The following TAOK1 variants were observed in gnomAD, a reference collection of about 807,000 sequenced individuals.
TAOK1 encodes serine/threonine-protein kinase TAO1.
TAOK1 carries 21 observed loss-of-function variants against 138.3 expected under a neutral mutation model. The observed-to-expected ratio is 0.15, with a 90% CI of 0.11 to 0.22. TAOK1 has a LOEUF of 0.22. TAOK1 is among the 10% of genes least tolerant of loss of function. The pLI is 1.00. For missense variants in TAOK1, 651 were observed against 1,227.7 expected (o/e 0.53, Z 7.02); for synonymous variants, 361 against 398.4 (o/e 0.91, Z 1.12).
chr17:29,412,131 C>G (rs1905161006), intron 1 of TAOK1, among the ~76,000 whole-genome samples: 1 of 152,128 alleles, frequency 6.6e-6, no homozygotes, highest in South Asian at 2.1e-4. Context: ...CAACCTCCAT[C>G]TCCCAGGTTC....
chr17:29,402,507 A>T (rs1282776042), intron 1 of TAOK1, among the ~76,000 whole-genome samples: 1 of 151,938 alleles, frequency 6.6e-6, no homozygotes, highest in South Asian at 2.1e-4. Flanking sequence ...GTTTTGTCAC[A>T]TTGCCCAAGC....
intron 3 of TAOK1, among the ~76,000 whole-genome samples, chr17:29,474,664 A>G (rs897058749): frequency 3.9e-5 from 6 of 152,184 alleles, no homozygotes; most frequent in African/African-American, 1.4e-4. Flanking sequence ...AAACAATTAC[A>G]ATAGTAATGT....
intron 1 of TAOK1, among the ~76,000 whole-genome samples, chr17:29,421,902 T>G (rs956142155): frequency 1.3e-5 from 2 of 151,790 alleles, no homozygotes; most frequent in Non-Finnish European, 2.9e-5. Context: ...TGTGCTATCC[T>G]CTATTTATCC....
At chr17:29,537,581 T>A (rs2032244299) in intron 19 of TAOK1, among the ~76,000 whole-genome samples, 1 of 149,724 alleles carries the variant, frequency 6.7e-6, no homozygotes. Context: ...GGTCTCAAAC[T>A]CCTAGGCTCA....
At chr17:29,438,624 G>A (rs1906111761) in intron 1 of TAOK1, among the ~76,000 whole-genome samples, 1 of 152,198 alleles carries the variant, frequency 6.6e-6, no homozygotes, top group Non-Finnish European at 1.5e-5. Context: ...AGGAGGTCGA[G>A]GCTGCAGTGA....
chr17:29,437,492 C>T (rs1221647352), intron 1 of TAOK1, among the ~76,000 whole-genome samples: 3 of 152,072 alleles, frequency 2.0e-5, no homozygotes, highest in South Asian at 2.1e-4. Context: ...GCCACCACGC[C>T]GGCCTATGTA....
At chr17:29,427,349 C>A (rs1005235379) in intron 1 of TAOK1, among the ~76,000 whole-genome samples, 3 of 151,840 alleles carry the variant, frequency 2.0e-5, no homozygotes, top group Admixed American at 2.0e-4. Context: ...AATCCTAGCA[C>A]TTTGGGAGGC....
In TAOK1 at chr17:29,498,529, T is replaced by G. The variant is rs988612021; in HGVS notation, c.1203+8T>G. On this transcript the variant is annotated splice_region_variant and intron_variant, in intron 12 of 19. Transcript: ENST00000261716. ...GTTATCCATTTAAAACCAGTGAGTA[T>G]TTGGATTTCAATGAAAGAAATTCAA... The G allele has an allele frequency of 6.2e-7, 1 of 1,613,356 alleles. No individual in the cohort carries two copies. Among genetic ancestry groups the G allele is most frequent in the South Asian group, 1.1e-5 (1 of 91,054 alleles).
At chr17:29,528,130 G>A (rs2032042849) in intron 17 of TAOK1, among the ~76,000 whole-genome samples, 1 of 152,056 alleles carries the variant, frequency 6.6e-6, no homozygotes, top group South Asian at 2.1e-4. Flanking sequence ...GCTCACTGCA[G>A]CCTCCACCTC....
intron 1 of TAOK1, among the ~76,000 whole-genome samples, chr17:29,395,714 A>G (rs1904575553): frequency 6.7e-6 from 1 of 150,068 alleles, no homozygotes; most frequent in Non-Finnish European, 1.5e-5. Flanking sequence ...TTGGAATGCA[A>G]TAGCGTGATC....
chr17:29,499,781 G>A (rs895193090), intron 12 of TAOK1, among the ~76,000 whole-genome samples: 2 of 149,724 alleles, frequency 1.3e-5, no homozygotes, highest in Admixed American at 6.7e-5. Flanking sequence ...GGCTGGTCTC[G>A]AACTCCCAAC....
chr17:29,522,378 A>G lies in TAOK1; in HGVS notation c.2007A>G (p.Thr669=), dbSNP rs1750270758. ...MQELEFRHLN[T]IQKMRCELIR... is the part of the protein sequence containing the mutation. ...AACTGGAGTTCCGCCACCTCAACAC[A>G]ATTCAGAAGATGCGCTGTGAGTTGA... Residue 669 remains threonine, a synonymous_variant, in exon 17 of 20, where the codon ACA becomes ACG. Transcript: ENST00000261716. The G allele has an allele frequency of 2.5e-6, 4 of 1,614,178 alleles. No individual in the cohort carries two copies. The highest frequency in any genetic ancestry group is 3.4e-6 in the Non-Finnish European group (4 of 1,180,026).
At chr17:29,480,283 C>A in intron 6 of TAOK1, 85 bp from the exon 7 acceptor site, 1 of 920,898 alleles carries the variant, frequency 1.1e-6, no homozygotes, top group South Asian at 1.9e-5. Flanking sequence ...TTTCTCTATC[C>A]TATGAATTCT....
chr17:29,450,569 T>C (rs2030205349), intron 1 of TAOK1, among the ~76,000 whole-genome samples: 1 of 152,150 alleles, frequency 6.6e-6, no homozygotes, highest in East Asian at 1.9e-4. Context: ...TGGAGTGCGG[T>C]GGTGTGATCA....
At position 29,524,384 on chromosome 17, in the gene TAOK1, G is replaced by T. The variant is rs540016363; in HGVS notation, c.2148+1865G>T. Among the ~76,000 whole-genome samples, 10 of 152,262 alleles carry T rather than the reference G, an allele frequency of 6.6e-5. No homozygotes were observed. In the East Asian group the frequency reaches 1.9e-3, roughly 29 times the overall value. Reference sequence around the variant, plus strand: ...AATCTGATATGACTGCATTTCTCTAGGGCTTGGGTGATGGATAGGTGTTTG... The same window carrying T: ...AATCTGATATGACTGCATTTCTCTATGGCTTGGGTGATGGATAGGTGTTTG... On this transcript the variant is annotated intron_variant, in intron 17 of 19. Coordinates refer to ENST00000261716, the MANE Select transcript of TAOK1 (RefSeq NM_020791.4).
chr17:29,518,913 T>G (rs907245557), intron 16 of TAOK1, among the ~76,000 whole-genome samples: 5 of 151,966 alleles, frequency 3.3e-5, no homozygotes, highest in Admixed American at 3.3e-4. Context: ...ACTACAGGCG[T>G]GCATCACCAC....
At chr17:29,519,413 G>A (rs544520471) in intron 16 of TAOK1, among the ~76,000 whole-genome samples, 40 of 152,112 alleles carry the variant, frequency 2.6e-4, no homozygotes, top group Non-Finnish European at 4.0e-4. Context: ...CAGCTACTCA[G>A]GAGGCTGAGG....
At chr17:29,423,526 A>G (rs1275889757) in intron 1 of TAOK1, among the ~76,000 whole-genome samples, 2 of 151,786 alleles carry the variant, frequency 1.3e-5, no homozygotes, top group Admixed American at 6.6e-5. Context: ...CTCTTCTAAT[A>G]TAAGGATTTA....
intron 1 of TAOK1, among the ~76,000 whole-genome samples, chr17:29,442,542 T>A (rs964697320): frequency 1.3e-5 from 2 of 152,158 alleles, no homozygotes; most frequent in African/African-American, 4.8e-5. Flanking sequence ...CTTTATGTAT[T>A]GTGGCATATG....
Sources: allele counts gnomAD v4.1 joint callset (sites outside exome capture counted in the v4.1 genomes callset), GRCh38; gene constraint gnomAD v4.1.1; transcripts MANE v1.5; gene names NCBI Gene and HGNC (gene_info 2026-07-23, HGNC 2026-07-21).